The following FAM117B variants were observed in gnomAD, a reference collection of about 807,000 sequenced individuals.
FAM117B encodes family with sequence similarity 117 member B.
Under a neutral mutation model 52.8 loss-of-function variants are expected in FAM117B, and 22 were observed. The observed-to-expected ratio is 0.42, with a 90% confidence interval of 0.30 to 0.59. The LOEUF is 0.59. Among genes scored for constraint, FAM117B ranks in the 20% least tolerant of loss-of-function variants. The pLI, the probability that FAM117B is intolerant of heterozygous loss-of-function variation, is 0.22. For missense variants in FAM117B, 678 were observed against 802.6 expected (o/e 0.84, Z 1.88); for synonymous variants, 309 against 324.1 (o/e 0.95, Z 0.50).
chr2:202,681,019 C>T (rs1308588311), intron 1 of FAM117B, among the ~76,000 whole-genome samples: 2 of 152,028 alleles, frequency 1.3e-5, no homozygotes, highest in Non-Finnish European at 2.9e-5. Context: ...ACAATGTCTA[C>T]ATGAAATGAA....
chr2:202,707,570 T>C (rs948872508), intron 2 of FAM117B, among the ~76,000 whole-genome samples: 6 of 151,788 alleles, frequency 4.0e-5, no homozygotes, highest in African/African-American at 1.4e-4. Flanking sequence ...CCAGGTGTGG[T>C]GGCGTGTGCA....
chr2:202,655,675 C>A (rs559248580), intron 1 of FAM117B, among the ~76,000 whole-genome samples: 7 of 141,094 alleles, frequency 5.0e-5, no homozygotes, highest in Admixed American at 3.0e-4. Context: ...CCAGTGAAAT[C>A]ATCTTGGCCT....
At chr2:202,653,390 G>A (rs1483499761) in intron 1 of FAM117B, among the ~76,000 whole-genome samples, 1 of 152,178 alleles carries the variant, frequency 6.6e-6, no homozygotes, top group Non-Finnish European at 1.5e-5. Context: ...TGTTTTAAGA[G>A]ACAGGGTCTC....
intron 1 of FAM117B, among the ~76,000 whole-genome samples, chr2:202,648,379 G>A (rs1021117762): frequency 6.6e-6 from 1 of 151,888 alleles, no homozygotes. Context: ...CGAGTATAGC[G>A]GTCGGTGTGC....
At chr2:202,639,585 A>G (rs1432995978) in intron 1 of FAM117B, among the ~76,000 whole-genome samples, 1 of 152,222 alleles carries the variant, frequency 6.6e-6, no homozygotes, top group African/African-American at 2.4e-5. Flanking sequence ...GAGAGATGGT[A>G]TAACATCGAG....
chr2:202,686,805 CAAA>C (rs201803878), intron 1 of FAM117B, among the ~76,000 whole-genome samples: 2 of 127,874 alleles, frequency 1.6e-5, no homozygotes, highest in African/African-American at 3.1e-5. Context: ...GAGATTCGGT[CAAA>C]AAAAAAAAAA....
intron 4 of FAM117B, among the ~76,000 whole-genome samples, chr2:202,726,797 A>G (rs1015087001): frequency 1.3e-5 from 2 of 152,030 alleles, no homozygotes; most frequent in African/African-American, 4.8e-5. Flanking sequence ...GGCTGGGGCG[A>G]TGGGAGAGGG....
chr2:202,675,467 AAG>A (rs1553519573), intron 1 of FAM117B, among the ~76,000 whole-genome samples: 1 of 150,774 alleles, frequency 6.6e-6, no homozygotes, highest in Admixed American at 6.6e-5. Context: ...AAAAAAAAAA[AAG>A]GCCAAGTGCT....
intron 1 of FAM117B, among the ~76,000 whole-genome samples, chr2:202,682,733 A>C (rs1690481612): frequency 6.6e-6 from 1 of 152,238 alleles, no homozygotes. Context: ...ATTAAATTAG[A>C]AGTCAGTAAC....
At chr2:202,717,998 A>C (rs188536842) in intron 2 of FAM117B, among the ~76,000 whole-genome samples, 48 of 152,016 alleles carry the variant, frequency 3.2e-4, no homozygotes, top group African/African-American at 1.1e-3. Context: ...AGACCACAAG[A>C]TGCAGTCCTT....
chr2:202,738,934 A>G (rs954703972), intron 4 of FAM117B, among the ~76,000 whole-genome samples: 2 of 152,230 alleles, frequency 1.3e-5, no homozygotes, highest in African/African-American at 2.4e-5. Flanking sequence ...CACGCCTGTA[A>G]TCCCAGCACT....
chr2:202,731,936 T>C (rs557331865), intron 4 of FAM117B, among the ~76,000 whole-genome samples: 11 of 152,138 alleles, frequency 7.2e-5, no homozygotes, highest in Admixed American at 5.2e-4. Flanking sequence ...GGTTTTACCA[T>C]GTTGGCTGGG....
At chr2:202,646,871 C>A (rs1689875988) in intron 1 of FAM117B, among the ~76,000 whole-genome samples, 1 of 151,984 alleles carries the variant, frequency 6.6e-6, no homozygotes, top group African/African-American at 2.4e-5. Flanking sequence ...GTTTTATCCC[C>A]AGTTTTTAGT....
chr2:202,753,748 A>G (rs1691758249), intron 4 of FAM117B, among the ~76,000 whole-genome samples: 1 of 151,798 alleles, frequency 6.6e-6, no homozygotes, highest in Admixed American at 6.6e-5. Flanking sequence ...CGGCCAACAA[A>G]CATGTAAAAA....
chr2:202,726,394 A>G (rs756479026), intron 4 of FAM117B, 31 bp downstream of exon 4: 6 of 1,493,122 alleles, frequency 4.0e-6, no homozygotes, highest in Non-Finnish European at 5.5e-6. Context: ...AAATCCAGAA[A>G]AGGAATTTGT....
At chr2:202,731,335 A>ATATATATATATATATATATATG (rs1691342982) in intron 4 of FAM117B, among the ~76,000 whole-genome samples, 1 of 98,656 alleles carries the variant, frequency 1.0e-5, no homozygotes, top group South Asian at 2.9e-4. Context: ...AAATTGGAAT[A>ATATATATATATATATATATATG]TATATATATA....
chr2:202,635,513 T>A lies in FAM117B; in HGVS notation c.326T>A (p.Val109Glu). The change falls in exon 1 of 8, where the codon GTG (valine) becomes GAG (glutamate). Residue 109 changes from valine to glutamate, a missense_variant. Val to Glu is a moderately radical substitution (Grantham distance 121). Around this residue, in one of 3 missense-constraint regions of FAM117B, gnomAD observed 583 missense variants for 644.8 expected, o/e 0.90. Transcript: ENST00000392238. ...GCGGCCGCGCGCACCAGCCCCACGG[T>A]GGCCACGCAGACGGGCGCGTCCGCG... ...GNAAARTSPT[V>E]ATQTGASATS... 9.1e-6 allele frequency: 10 copies of A among 1,099,938 alleles called. No individual in the cohort carries two copies. The highest frequency in any genetic ancestry group is 1.1e-5 in the Non-Finnish European group (10 of 907,782). 68.1% of individuals were successfully genotyped at this position (1,099,938 alleles called of 1,614,324 possible).
chr2:202,766,349 T>C lies in FAM117B; in HGVS notation c.*585T>C, dbSNP rs994120307. 6.5e-6 allele frequency: 1 copy of C among 152,920 alleles called. No homozygotes were observed. The highest frequency in any genetic ancestry group is 1.5e-5 in the Non-Finnish European group (1 of 68,282). 9.5% of individuals were successfully genotyped at this position (152,920 alleles called of 1,614,324 possible). On this transcript the variant is annotated 3_prime_UTR_variant, in exon 8 of 8. Coordinates refer to ENST00000392238, the MANE Select transcript of FAM117B (RefSeq NM_173511.4). ...ATTGTTGACGTTTTCCCAGCAATCT[T>C]AATCTCATGACTATGTTCTTCTCCC... is the stretch of plus-strand genomic sequence containing the variant.
In FAM117B at chr2:202,767,896, G is replaced by A. The variant is rs1692007580; in HGVS notation, c.*2132G>A. 1 of 152,140 alleles carries A rather than the reference G, an allele frequency of 6.6e-6. No homozygotes were observed. Among genetic ancestry groups the A allele is most frequent in the African/African-American group, 2.4e-5 (1 of 41,428 alleles). The allele number at this position is 152,140 out of a possible 1,614,324, so 9.4% of individuals were successfully genotyped here. A position where few individuals can be genotyped will look rare whatever the true frequency, so the allele number is the denominator to read the frequency against. ...ATTTATTTGGAACTAGTACGTTATG[G>A]CTTCTCAGTCATGAAAAGCTCAGTT... On this transcript the variant is annotated 3_prime_UTR_variant, in exon 8 of 8. Coordinates refer to ENST00000392238, the MANE Select transcript of FAM117B (RefSeq NM_173511.4).
Sources: allele counts gnomAD v4.1 joint callset (sites outside exome capture counted in the v4.1 genomes callset), GRCh38; gene constraint gnomAD v4.1.1; regional missense constraint gnomAD v4.1.1; transcripts MANE v1.5; gene names NCBI Gene and HGNC (gene_info 2026-07-23, HGNC 2026-07-21).